Variants in CTNNA2 observed in about 807,000 individuals in gnomAD.
The protein encoded by CTNNA2 is catenin alpha 2, also known as catenin alpha-2.
CTNNA2 carries 42 observed loss-of-function variants against 101.0 expected under a neutral mutation model. The observed-to-expected ratio is 0.42, with a 90% confidence interval of 0.32 to 0.54. The LOEUF (loss-of-function observed/expected upper bound fraction) is 0.54. Among genes scored for constraint, CTNNA2 ranks in the 20% least tolerant of loss-of-function variants. CTNNA2 has a pLI of 0.14. For synonymous variants in CTNNA2, 450 were observed against 456.4 expected (o/e 0.99, Z 0.18); for missense variants, 871 against 1,223.1 (o/e 0.71, Z 4.29).
intron 7 of CTNNA2, among the ~76,000 whole-genome samples, chr2:80,001,027 T>C (rs1692910649): frequency 6.6e-6 from 1 of 152,230 alleles, no homozygotes; most frequent in African/African-American, 2.4e-5. Flanking sequence ...ATGAGGATGC[T>C]CTAGAAGGCT....
At chr2:79,737,368 C>A (rs1368256518) in intron 2 of CTNNA2, among the ~76,000 whole-genome samples, 1 of 150,722 alleles carries the variant, frequency 6.6e-6, no homozygotes, top group Non-Finnish European at 1.5e-5. Context: ...AAAAAAAGGT[C>A]ACTGCTTTGT....
At position 79,382,692 on chromosome 2, in the gene CTNNA2, C is replaced by A. The variant is rs189677081; in HGVS notation, c.-135+8679C>A. 4.7e-3 allele frequency among the ~76,000 whole-genome samples: 722 copies of A among 152,322 alleles called. 7 individuals carry two copies. Among genetic ancestry groups the A allele is most frequent in the African/African-American group, 0.016 (681 of 41,578 alleles). On this transcript the variant is annotated intron_variant, in intron 4 of 21. Transcript: ENST00000466387. ...GCAGTGGCACAATCTCGGCTCCCTG[C>A]AAGCTCTGCCTCCCGGGTTCATGCC...
At chr2:79,467,171 G>T (rs891977605) in intron 4 of CTNNA2, among the ~76,000 whole-genome samples, 1 of 152,182 alleles carries the variant, frequency 6.6e-6, no homozygotes, top group Non-Finnish European at 1.5e-5. Flanking sequence ...CCAATGTAGA[G>T]AAGTCCTTAA....
At chr2:80,445,898 C>T (rs373692071) in intron 9 of CTNNA2, among the ~76,000 whole-genome samples, 1 of 152,138 alleles carries the variant, frequency 6.6e-6, no homozygotes, top group African/African-American at 2.4e-5. Context: ...AGCCTGGCTT[C>T]GTCTCTTATA....
At chr2:80,168,790 T>C (rs1033309058) in intron 7 of CTNNA2, among the ~76,000 whole-genome samples, 4 of 152,156 alleles carry the variant, frequency 2.6e-5, no homozygotes, top group Non-Finnish European at 4.4e-5. Context: ...GGTACACATT[T>C]TTTTTTAGAC....
At chr2:79,512,918 G>T (rs1671598458), upstream of CTNNA2, 1 of 150,730 alleles carries the variant, frequency 6.6e-6, no homozygotes, top group Non-Finnish European at 1.5e-5. Context: ...CCGCGCATGC[G>T]CACTGGCTGC....
chr2:80,141,301 A>G (rs1702996399), intron 7 of CTNNA2, among the ~76,000 whole-genome samples: 1 of 151,956 alleles, frequency 6.6e-6, no homozygotes, highest in Non-Finnish European at 1.5e-5. Flanking sequence ...CATGTAACAC[A>G]GTTTCCTTGA....
At chr2:80,275,003 G>T (rs1370976620) in intron 7 of CTNNA2, among the ~76,000 whole-genome samples, 2 of 152,198 alleles carry the variant, frequency 1.3e-5, no homozygotes, top group Non-Finnish European at 2.9e-5. Flanking sequence ...TAGAAGGTAT[G>T]TAATAATTAG....
At chr2:80,099,759 A>AG (rs1308965311) in intron 7 of CTNNA2, among the ~76,000 whole-genome samples, 1 of 151,628 alleles carries the variant, frequency 6.6e-6, no homozygotes, top group Non-Finnish European at 1.5e-5. Flanking sequence ...TTCCTTCAAA[A>AG]AAAAAAAAAA....
intron 2 of CTNNA2, among the ~76,000 whole-genome samples, chr2:79,714,318 C>T (rs951964869): frequency 6.6e-6 from 1 of 151,542 alleles, no homozygotes; most frequent in South Asian, 2.1e-4. Flanking sequence ...TTAACCACAA[C>T]TTTAAAAAAA....
At chr2:79,493,016 A>G (rs1671219452) in intron 4 of CTNNA2, among the ~76,000 whole-genome samples, 1 of 152,206 alleles carries the variant, frequency 6.6e-6, no homozygotes, top group Admixed American at 6.5e-5. Context: ...ATGCTCTGTC[A>G]TTATAAGAAC....
Position 79,613,146 on chromosome 2 carries a change from C to T in CTNNA2, c.-5-38406C>T, listed in dbSNP as rs139075677. Among the ~76,000 whole-genome samples the T allele has an allele frequency of 7.2e-4, 100 of 138,388 alleles. 1 individual carries two copies. The highest frequency in any genetic ancestry group is 2.6e-3 in the African/African-American group (97 of 37,502). 90.8% of individuals were successfully genotyped at this position (138,388 alleles called of 152,430 possible). ...GAAAACATCACCATTAGTATGTTTA[C>T]AGTGTTTAACGTTCAGAGCAAAAAA... On this transcript the variant is annotated intron_variant, in intron 1 of 18. Coordinates refer to ENST00000402739, the MANE Select transcript of CTNNA2 (RefSeq NM_001282597.3).
intron 7 of CTNNA2, among the ~76,000 whole-genome samples, chr2:80,355,491 C>T (rs112411687): frequency 9.0e-4 from 137 of 152,310 alleles, no homozygotes; most frequent in African/African-American, 3.2e-3. Context: ...CCTTGGGCCA[C>T]TGTACAAGCC....
chr2:79,410,660 A>G (rs1176908498), intron 4 of CTNNA2, among the ~76,000 whole-genome samples: 3 of 151,262 alleles, frequency 2.0e-5, no homozygotes, highest in Non-Finnish European at 4.4e-5. Flanking sequence ...CCACTTGATC[A>G]TGGTGGATAA....
chr2:79,542,212 A>G (rs550299659), intron 1 of CTNNA2, among the ~76,000 whole-genome samples: 2 of 152,262 alleles, frequency 1.3e-5, no homozygotes, highest in East Asian at 3.9e-4. Context: ...TACTGCCAGT[A>G]TTAATCCCCA....
upstream of CTNNA2, among the ~76,000 whole-genome samples, chr2:79,510,662 CCA>C (rs760187604): frequency 1.6e-4 from 25 of 152,318 alleles, no homozygotes; most frequent in Non-Finnish European, 2.8e-4. Flanking sequence ...GATTGACAGA[CCA>C]CAGTTTGATG....
chr2:79,637,035 A>G (rs1330134464), intron 1 of CTNNA2: 1 of 152,174 alleles, frequency 6.6e-6, no homozygotes, highest in Non-Finnish European at 1.5e-5. Flanking sequence ...TGGAATGGTG[A>G]GGGCAGAAGC....
At chr2:80,245,430 T>G (rs1671246322) in intron 7 of CTNNA2, among the ~76,000 whole-genome samples, 1 of 152,240 alleles carries the variant, frequency 6.6e-6, no homozygotes, top group Non-Finnish European at 1.5e-5. Context: ...TTGAAATATT[T>G]TAACCAGGGG....
chr2:80,529,423 A>G (rs1037706004), intron 9 of CTNNA2, among the ~76,000 whole-genome samples: 3 of 152,222 alleles, frequency 2.0e-5, no homozygotes, highest in African/African-American at 4.8e-5. Flanking sequence ...AGGTATTAAG[A>G]CATTTGAAAG....
Sources: allele counts gnomAD v4.1 joint callset (sites outside exome capture counted in the v4.1 genomes callset), GRCh38; gene constraint gnomAD v4.1.1; transcripts MANE v1.5; gene names NCBI Gene and HGNC (gene_info 2026-07-23, HGNC 2026-07-21).